The following ATXN10 variants were observed in gnomAD, a reference collection of about 807,000 sequenced individuals.
ATXN10 encodes the protein ataxin 10, also known as ataxin-10.
A neutral mutation model predicts 52.9 loss-of-function variants in ATXN10; 28 were observed. The ratio of observed to expected loss-of-function variants is 0.53; its 90% CI spans 0.39 to 0.73. The LOEUF is 0.73. Ranked by LOEUF, ATXN10 falls within the 30% of genes least tolerant of loss-of-function variation. ATXN10 has a pLI of 0.00. For synonymous variants in ATXN10, 226 were observed against 221.5 expected (o/e 1.02, Z -0.18); for missense variants, 565 against 577.0 (o/e 0.98, Z 0.21).
At position 45,757,753 on chromosome 22, in the gene ATXN10, G is replaced by A. The variant is rs922710153; in HGVS notation, c.1173+17215G>A. Among the ~76,000 whole-genome samples the A allele has an allele frequency of 5.9e-5, 9 of 152,144 alleles. No individual in the cohort carries two copies. The South Asian group carries it at 1.5e-3, about 25-fold the overall frequency. ...ATTATATTTATTAAAAATGTGATTA[G>A]AGTTATATTCATTCATGTTTGATTC... On this transcript the variant is annotated intron_variant, in intron 9 of 11. Transcript: ENST00000252934. This position sits in a 1 kb window ranked among gnomAD's most constrained non-coding sequence, Gnocchi z 4.6.
At chr22:45,804,111 C>A (rs1221949616) in intron 9 of ATXN10, among the ~76,000 whole-genome samples, 1 of 152,120 alleles carries the variant, frequency 6.6e-6, no homozygotes, top group African/African-American at 2.4e-5. Flanking sequence ...CAGCAGACAC[C>A]GCATGGCTGT....
intron 9 of ATXN10, among the ~76,000 whole-genome samples, chr22:45,796,135 C>T (rs1927728915): frequency 1.3e-5 from 2 of 152,196 alleles, no homozygotes; most frequent in Non-Finnish European, 1.5e-5. Flanking sequence ...AATGCATTCC[C>T]AGGGGGAGGT....
intron 6 of ATXN10, among the ~76,000 whole-genome samples, chr22:45,726,459 T>C (rs1924875947): frequency 6.6e-6 from 1 of 152,112 alleles, no homozygotes; most frequent in African/African-American, 2.4e-5. Context: ...AAGGTATTCA[T>C]AGTGTCCTTA....
chr22:45,692,776 G>A (rs1923434034), intron 2 of ATXN10, among the ~76,000 whole-genome samples: 1 of 152,162 alleles, frequency 6.6e-6, no homozygotes, highest in Non-Finnish European at 1.5e-5. Flanking sequence ...ACTTCAGGAA[G>A]TACTCAAAGA....
chr22:45,685,891 G>A (rs1182376451), intron 1 of ATXN10, among the ~76,000 whole-genome samples: 1 of 152,058 alleles, frequency 6.6e-6, no homozygotes, highest in African/African-American at 2.4e-5. Flanking sequence ...CATGTTCTTT[G>A]CTCTTAAGAA....
At position 45,727,644 on chromosome 22, in the gene ATXN10, A is replaced by AGCC. The variant is rs1271800374; in HGVS notation, c.729-1780_729-1778dup. Among the ~76,000 whole-genome samples, 12 of 152,116 alleles carry AGCC rather than the reference A, an allele frequency of 7.9e-5. No individual in the cohort carries two copies. The highest frequency in any genetic ancestry group is 2.6e-4 in the Admixed American group (4 of 15,268). On this transcript the variant is annotated intron_variant, in intron 6 of 11. Coordinates refer to ENST00000252934, the MANE Select transcript of ATXN10 (RefSeq NM_013236.4). This position sits in a 1 kb window ranked among gnomAD's most constrained non-coding sequence, Gnocchi z 4.6. ...CCAAAGTACTGGGATTTCAGGTGTGAGCCACCACACCCAGCCAATATATTT... is the reference window on the plus strand; with the variant it reads ...CCAAAGTACTGGGATTTCAGGTGTGAGCCGCCACCACACCCAGCCAATATATTT...
chr22:45,679,148 C>G (rs1922817261), intron 1 of ATXN10: 1 of 152,160 alleles, frequency 6.6e-6, no homozygotes, highest in African/African-American at 2.4e-5. Context: ...TTCACATAAT[C>G]ACTTAATTAC....
chr22:45,810,974 A>G (rs1928262059), intron 10 of ATXN10, among the ~76,000 whole-genome samples: 2 of 152,208 alleles, frequency 1.3e-5, no homozygotes. Context: ...CATGAAAAGC[A>G]TGTCTGTTTT....
rs16994442 is a variant in ATXN10, at chr22:45,700,117, A to G, written c.392-165A>G. Among the ~76,000 whole-genome samples the G allele has an allele frequency of 0.092, 13,941 of 152,300 alleles. 715 individuals carry two copies. The highest frequency in any genetic ancestry group is 0.16 in the Middle Eastern group (46 of 294). ...GTGAGCCGCCGCTCCCAGCCATGGC[A>G]TATTCATGTTATTCCCAAAGTGAAC... On this transcript the variant is annotated intron_variant, in intron 3 of 11. Coordinates refer to ENST00000252934, the MANE Select transcript of ATXN10 (RefSeq NM_013236.4).
At chr22:45,697,511 A>G (rs1188324576) in intron 3 of ATXN10, among the ~76,000 whole-genome samples, 2 of 152,172 alleles carry the variant, frequency 1.3e-5, no homozygotes, top group Non-Finnish European at 2.9e-5. Context: ...CCTGGCAACC[A>G]CTACTTAGCA....
rs557147446 is a variant in ATXN10 at position 45,833,825 on chromosome 22, G to A, written c.1238-9166G>A. 3.2e-4 allele frequency among the ~76,000 whole-genome samples: 48 copies of A among 152,268 alleles called. No homozygotes were observed. The highest frequency in any genetic ancestry group is 6.3e-4 in the Non-Finnish European group (43 of 68,008). On this transcript the variant is annotated intron_variant, in intron 10 of 11. Coordinates refer to ENST00000252934, the MANE Select transcript of ATXN10 (RefSeq NM_013236.4). The surrounding 1 kb of genome is among the most constrained non-coding windows in gnomAD (Gnocchi z 4.3). ...TGCTCTGCCCTCCAGAGGTCTCTCTGGATGGACTGGTCGCGAGAGCACACT... is the reference window on the plus strand; with the variant it reads ...TGCTCTGCCCTCCAGAGGTCTCTCTAGATGGACTGGTCGCGAGAGCACACT...
intron 9 of ATXN10, among the ~76,000 whole-genome samples, chr22:45,749,598 G>T (rs936191103): frequency 1.3e-5 from 2 of 151,778 alleles, no homozygotes; most frequent in Non-Finnish European, 2.9e-5. Context: ...GTCTTGCTCT[G>T]TTGCTCAGGC....
chr22:45,841,121 C>T lies in ATXN10; in HGVS notation c.1238-1870C>T, dbSNP rs188095514. 7.1e-4 allele frequency among the ~76,000 whole-genome samples: 108 copies of T among 152,226 alleles called. No individual in the cohort carries two copies. The highest frequency in any genetic ancestry group is 1.3e-3 in the Non-Finnish European group (87 of 68,010). On this transcript the variant is annotated intron_variant, in intron 10 of 11. Transcript: ENST00000252934. The surrounding 1 kb of genome is among the most constrained non-coding windows in gnomAD (Gnocchi z 5.1). The stretch of plus-strand genomic sequence containing the variant: ...GGGTTCAGTGATCATGGAAAAGAGG[C>T]GGATATTCAAATTTAGGTTTAATGC...
rs752370902 is a variant in ATXN10, at chr22:45,689,723, C to T, written c.128C>T (p.Pro43Leu). 14 of 1,613,954 alleles carry T rather than the reference C, an allele frequency of 8.7e-6. No homozygotes were observed. Among genetic ancestry groups the T allele is most frequent in the Non-Finnish European group, 1.2e-5 (14 of 1,179,930 alleles). Reference sequence around the variant, plus strand: ...TTATCCTTTTTCAGAGAAACAGCACCCAGGACTATCTTCCAAAGAGTTCTG... The same window carrying T: ...TTATCCTTTTTCAGAGAAACAGCACTCAGGACTATCTTCCAAAGAGTTCTG... ...FKEQRNRETA[P>L]RTIFQRVLDI... Residue 43 changes from proline to leucine, a missense_variant, in exon 2 of 12, where the codon CCC becomes CTC. Transcript: ENST00000252934.
At chr22:45,814,793 C>T (rs1402272771) in intron 10 of ATXN10, among the ~76,000 whole-genome samples, 2 of 152,124 alleles carry the variant, frequency 1.3e-5, no homozygotes, top group Admixed American at 1.3e-4. Context: ...ACCTGAGCTC[C>T]GTCTCCCGTC....
chr22:45,736,159 C>T (rs994514701), intron 7 of ATXN10, among the ~76,000 whole-genome samples: 18 of 152,036 alleles, frequency 1.2e-4, no homozygotes, highest in Non-Finnish European at 2.5e-4. Flanking sequence ...TGGAAAATTT[C>T]AAACATAGAC....
At chr22:45,700,154 G>GA (rs535072382) in intron 3 of ATXN10, 128 bp from the exon 4 acceptor site, 59 of 727,396 alleles carry the variant, frequency 8.1e-5, no homozygotes, top group Non-Finnish European at 1.2e-4. Context: ...TGTGGAGACA[G>GA]ACTTTAATTT....
Position 45,732,992 on chromosome 22 carries a change from C to T in ATXN10, c.894+3402C>T, listed in dbSNP as rs888973629. ...TTAAAATCCCAAGGTTTTCTTCATA[C>T]GTTTCTTTATAAAAATAGTTTTGGG... On this transcript the variant is annotated intron_variant, in intron 7 of 11. Coordinates refer to ENST00000252934, the MANE Select transcript of ATXN10 (RefSeq NM_013236.4). This position sits in a 1 kb window ranked among gnomAD's most constrained non-coding sequence, Gnocchi z 4.5. Among the ~76,000 whole-genome samples the T allele has an allele frequency of 2.6e-5, 4 of 152,232 alleles. 1 individual carries two copies. Among genetic ancestry groups the T allele is most frequent in the Non-Finnish European group, 4.4e-5 (3 of 67,998 alleles).
intron 9 of ATXN10, among the ~76,000 whole-genome samples, chr22:45,760,371 C>G (rs553155489): frequency 2.6e-5 from 4 of 152,220 alleles, no homozygotes; most frequent in East Asian, 1.9e-4. Context: ...TTTAGTGCAG[C>G]AAGCACTTTC....
Sources: allele counts gnomAD v4.1 joint callset (sites outside exome capture counted in the v4.1 genomes callset), GRCh38; gene constraint gnomAD v4.1.1; non-coding constraint Gnocchi (gnomAD v3.1); transcripts MANE v1.5; gene names NCBI Gene and HGNC (gene_info 2026-07-23, HGNC 2026-07-21).